The following ACAT2 variants were observed in gnomAD, a reference collection of about 807,000 sequenced individuals.
The protein encoded by ACAT2 is acetyl-CoA acetyltransferase 2.
Under a neutral mutation model 37.1 loss-of-function variants are expected in ACAT2, and 26 were observed. The observed-to-expected ratio is 0.70, with a 90% confidence interval of 0.51 to 0.97. The LOEUF (loss-of-function observed/expected upper bound fraction) is 0.97, where lower values mean the gene tolerates loss of function less well. Ranked by LOEUF, ACAT2 falls within the 50% of genes least tolerant of loss-of-function variation. The pLI, the probability that ACAT2 is intolerant of heterozygous loss-of-function variation, is 0.00. For synonymous variants in ACAT2, 156 were observed against 163.6 expected, an observed-to-expected ratio of 0.95 and a Z score of 0.35; for missense variants, 468 against 489.0, an observed-to-expected ratio of 0.96 and a Z score of 0.40.
At chr6:159,763,806 T>TA (rs1239873625) in intron 2 of ACAT2, among the ~76,000 whole-genome samples, 1 of 150,356 alleles carries the variant, frequency 6.7e-6, no homozygotes, top group Non-Finnish European at 1.5e-5. Context: ...TTTTCATTCT[T>TA]ACGAAGCAGG....
In ACAT2 at chr6:159,778,732, T is replaced by C. The variant is rs2114988045; in HGVS notation, c.1097T>C (p.Leu366Pro). The C allele has an allele frequency of 6.2e-7, 1 of 1,614,258 alleles. No homozygotes were observed. The highest frequency in any genetic ancestry group is 1.1e-5 in the South Asian group (1 of 91,090). The change falls in exon 9 of 9, where the codon CTG becomes CCG. Residue 366 changes from leucine (L) to proline (P), a missense_variant. Leu to Pro is a moderately conservative substitution (Grantham distance 98). Transcript: ENST00000367048. Reference sequence around the variant, plus strand: ...TCTGGCTGTCGAATTCTTGTGACCCTGTTACACACACTGGAGAGAATGGGC... The same window carrying C: ...TCTGGCTGTCGAATTCTTGTGACCCCGTTACACACACTGGAGAGAATGGGC... ...GASGCRILVTLLHTLERMGRS... is the reference protein window; with the variant it reads ...GASGCRILVTPLHTLERMGRS...
chr6:159,778,720 T>C lies in ACAT2; in HGVS notation c.1085T>C (p.Ile362Thr), dbSNP rs1562481096. The change falls in exon 9 of 9, where the codon ATT (isoleucine) becomes ACT (threonine). Residue 362 changes from isoleucine (I) to threonine (T), a missense_variant. Physicochemically the swap from Ile to Thr is moderately conservative, Grantham distance 89 (BLOSUM62 -1). Coordinates refer to ENST00000367048, the MANE Select transcript of ACAT2 (RefSeq NM_005891.3). ...GHPLGASGCR[I>T]LVTLLHTLER... ...CCTCTTGGAGCATCTGGCTGTCGAA[T>C]TCTTGTGACCCTGTTACACACACTG... 1.2e-6 allele frequency: 2 copies of C among 1,614,240 alleles called. No individual in the cohort carries two copies. Among genetic ancestry groups the C allele is most frequent in the East Asian group, 4.5e-5 (2 of 44,878 alleles).
At chr6:159,762,714 G>T (rs768048368) in intron 1 of ACAT2, 2 of 1,526,802 alleles carry the variant, frequency 1.3e-6, no homozygotes, top group East Asian at 2.5e-5. Context: ...TCTGGAGGTC[G>T]CCTGTCCAGC....
Position 159,777,327 on chromosome 6 carries a change from C to T in ACAT2, c.783C>T (p.Val261=), listed in dbSNP as rs3464. The T allele has an allele frequency of 0.2, 322,132 of 1,613,396 alleles. 33,634 individuals are homozygous for T. Among genetic ancestry groups the T allele is most frequent in the East Asian group, 0.38 (17,246 of 44,868 alleles). ...ASGINDGAAA[V]VLMKKSEADK... ...GAATAAATGATGGTGCTGCAGCTGT[C>T]GTTCTTATGAAGAAGTCAGAAGCTG... is the stretch of plus-strand genomic sequence containing the variant. Residue 261 remains valine, a synonymous_variant, in exon 7 of 9, where the codon GTC becomes GTT. Coordinates refer to ENST00000367048, the MANE Select transcript of ACAT2 (RefSeq NM_005891.3).
chr6:159,767,317 C>T, intron 3 of ACAT2, 131 bp downstream of exon 3: 1 of 951,296 alleles, frequency 1.1e-6, no homozygotes, highest in South Asian at 1.7e-5. Flanking sequence ...AAATGACAAC[C>T]TTGATCCCTA....
At position 159,776,338 on chromosome 6, in the gene ACAT2, TTC is replaced by T. The variant is rs202103258; in HGVS notation, c.757+70_757+71del. On this transcript the variant is annotated intron_variant, in intron 6 of 8. Transcript: ENST00000367048. ...TATAATGTCTACCGAGTGAATATTT[TTC>T]TCTTTATTTATATACAAAAGTACTA... 2.9e-3 allele frequency: 4,537 copies of T among 1,540,720 alleles called. 144 individuals carry two copies. In the African/African-American group the frequency reaches 0.056, roughly 19 times the overall value.
chr6:159,762,379 C>T (rs1780159380), intron 1 of ACAT2: 4 of 1,362,272 alleles, frequency 2.9e-6, no homozygotes, highest in Non-Finnish European at 2.9e-6. Context: ...GGATTGGCTC[C>T]CGGGGTAGAG....
At chr6:159,764,923 A>G (rs1780229712) in intron 2 of ACAT2, among the ~76,000 whole-genome samples, 1 of 152,242 alleles carries the variant, frequency 6.6e-6, no homozygotes, top group Non-Finnish European at 1.5e-5. Flanking sequence ...ACTTGAACTT[A>G]GATCTGTCCT....
intron 4 of ACAT2, among the ~76,000 whole-genome samples, chr6:159,769,699 C>G (rs887982765): frequency 1.1e-4 from 16 of 152,140 alleles, no homozygotes; most frequent in African/African-American, 3.9e-4. Flanking sequence ...CTGTCTCTAC[C>G]CAGGGCACTT....
rs1780485149 is a variant in ACAT2, at chr6:159,778,519, A to T, written c.1024-140A>T. On this transcript the variant is annotated intron_variant, in intron 8 of 8. Coordinates refer to ENST00000367048, the MANE Select transcript of ACAT2 (RefSeq NM_005891.3). ...GGGATGAATTTTCACAAAGGTGTAA[A>T]TTTATTCCTAAGCAGTTAAAATGAA... 3 of 985,882 alleles carry T rather than the reference A, an allele frequency of 3.0e-6. No individual in the cohort carries two copies. The East Asian group carries it at 7.8e-5, about 26-fold the overall frequency. The allele number at this position is 985,882 out of a possible 1,614,324, so 61.1% of individuals were successfully genotyped here.
At chr6:159,778,466 G>C (rs959343800) in intron 8 of ACAT2, 186 bp downstream of exon 8, 3 of 700,370 alleles carry the variant, frequency 4.3e-6, no homozygotes, top group Non-Finnish European at 6.7e-6. Context: ...GGCTTACTTG[G>C]CATAAAAGGA....
Position 159,763,646 on chromosome 6 carries a change from T to C in ACAT2, c.190+593T>C, listed in dbSNP as rs1332854835. 4.7e-3 allele frequency among the ~76,000 whole-genome samples: 609 copies of C among 129,816 alleles called. 4 individuals are homozygous for C. Among genetic ancestry groups the C allele is most frequent in the African/African-American group, 0.017 (582 of 34,142 alleles). The allele number at this position is 129,816 out of a possible 152,430, so 85.2% of individuals were successfully genotyped here. On this transcript the variant is annotated intron_variant, in intron 2 of 8. Transcript: ENST00000367048. ...TTCTTTTCCTTTTTTTTTTTTTTTT[T>C]TTTTTTTTTTTGAGACGGAGTCTCT...
At chr6:159,775,832 A>T (rs1780404033) in intron 5 of ACAT2, 2 of 267,184 alleles carry the variant, frequency 7.5e-6, no homozygotes. Context: ...TGCCTGATCC[A>T]CTCACTCGTA....
chr6:159,762,046 G>A lies in ACAT2; in HGVS notation c.-42G>A, dbSNP rs368969365. The A allele has an allele frequency of 1.9e-6, 3 of 1,608,442 alleles. No homozygotes were observed. Among genetic ancestry groups the A allele is most frequent in the South Asian group, 1.1e-5 (1 of 90,146 alleles). On this transcript the variant is annotated 5_prime_UTR_variant, in exon 1 of 9. Transcript: ENST00000367048. ...GGGCTGCGAGGAGGAGCTTTGCCTA[G>A]CTTGCAGGCAGCGCAGGGCAGACGG... is the stretch of plus-strand genomic sequence containing the variant.
At chr6:159,766,947 C>T (rs1780264850) in intron 2 of ACAT2, 58 bp from the exon 3 acceptor site, 1 of 1,600,466 alleles carries the variant, frequency 6.2e-7, no homozygotes, top group Non-Finnish European at 8.6e-7. Context: ...CACACTTTCA[C>T]TGTGACATTT....
rs1338178186 is a variant in ACAT2, at chr6:159,776,158, G to A, written c.643G>A (p.Glu215Lys). ...GGTTTTCCTTTGCTTAGGTCTTATT[G>A]AAGTTAAAACAGATGAGTTTCCTCG... ...VLVSTRKGLI[E>K]VKTDEFPRHG... is the part of the protein sequence containing the mutation. The change falls in exon 6 of 9, where the codon GAA (glutamate) becomes AAA (lysine). Residue 215 changes from glutamate (E) to lysine (K), a missense_variant. Coordinates refer to ENST00000367048, the MANE Select transcript of ACAT2 (RefSeq NM_005891.3). 10 of 1,613,788 alleles carry A rather than the reference G, an allele frequency of 6.2e-6. No individual in the cohort carries two copies. The highest frequency in any genetic ancestry group is 8.5e-6 in the Non-Finnish European group (10 of 1,179,860).
intron 6 of ACAT2, among the ~76,000 whole-genome samples, chr6:159,776,791 C>CT (rs575925293): frequency 5.3e-5 from 8 of 151,408 alleles, no homozygotes; most frequent in African/African-American, 9.7e-5. Context: ...TGCTGTAATC[C>CT]TTTTTTTTTC....
intron 2 of ACAT2, among the ~76,000 whole-genome samples, chr6:159,765,297 G>A (rs1382779584): frequency 6.6e-6 from 1 of 152,008 alleles, no homozygotes; most frequent in East Asian, 1.9e-4. Context: ...TGTATTTTTA[G>A]TAGAGATGGG....
Position 159,777,458 on chromosome 6 carries a change from T to A in ACAT2, c.912+2T>A, listed in dbSNP as rs369904117. The A allele has an allele frequency of 2.5e-6, 4 of 1,612,658 alleles. No homozygotes were observed. Among genetic ancestry groups the A allele is most frequent in the Non-Finnish European group, 3.4e-6 (4 of 1,179,568 alleles). ...CCAATTCCAGCCATAAAGCAAGCTG[T>A]GAGTATAACCCTATTCCCTTTTATG... On this transcript the variant is annotated splice_donor_variant, in intron 7 of 8. Coordinates refer to ENST00000367048, the MANE Select transcript of ACAT2 (RefSeq NM_005891.3). LOFTEE classifies it high-confidence loss of function.
Sources: gnomAD v4.1 joint callset for allele counts (sites outside exome capture counted in the v4.1 genomes callset) on GRCh38, gnomAD v4.1.1 for gene constraint, MANE v1.5 for transcripts, NCBI Gene and HGNC (gene_info 2026-07-23, HGNC 2026-07-21) for gene names.